MGAM: variants seen among roughly 807,000 people sequenced by gnomAD.
MGAM encodes the protein maltase-glucoamylase, also known as alpha-1,4-glucosidase.
MGAM carries 253 observed loss-of-function variants against 358.8 expected under a neutral mutation model. The ratio of observed to expected loss-of-function variants is 0.71; its 90% CI spans 0.64 to 0.78. The LOEUF is 0.78. Ranked by LOEUF, MGAM falls within the 30% of genes least tolerant of loss-of-function variation. The probability of loss-of-function intolerance (pLI) is 0.00; values close to 1 mark genes in which losing one functional copy is unlikely to be tolerated. For synonymous variants in MGAM, 1,105 were observed against 1,227.1 expected, an observed-to-expected ratio of 0.90 and a Z score of 2.08; for missense variants, 3,080 against 3,432.6, an observed-to-expected ratio of 0.90 and a Z score of 2.57.
chr7:142,081,061 T>C, intron 50 of MGAM, 116 bp downstream of exon 50: 1 of 956,896 alleles, frequency 1.0e-6, no homozygotes, highest in Non-Finnish European at 1.5e-6. Context: ...TCCAGATCCA[T>C]GGATGAGTTG....
Position 142,056,959 on chromosome 7 carries a change from T to A in MGAM, c.3693+17T>A, listed in dbSNP as rs948376048. 6 of 1,611,930 alleles carry A rather than the reference T, an allele frequency of 3.7e-6. No individual in the cohort carries two copies. The highest frequency in any genetic ancestry group is 5.1e-6 in the Non-Finnish European group (6 of 1,178,500). On this transcript the variant is annotated intron_variant, in intron 30 of 70. Coordinates refer to ENST00000475668, the MANE Select transcript of MGAM (RefSeq NM_001365693.1). ...TACACTGAGGTAGGGGGAAATCCAA[T>A]TGTTTATCAAGTACTTACACAGCAC...
At chr7:142,067,935 AATATATATAT>A (rs547783903) in intron 42 of MGAM, among the ~76,000 whole-genome samples, 3 of 29,196 alleles carry the variant, frequency 1.0e-4, no homozygotes, top group African/African-American at 2.4e-4. Context: ...ACCTCCCTCA[AATATATATAT>A]ATATATATAT....
chr7:141,993,275 G>A (rs1584880075), upstream of MGAM, among the ~76,000 whole-genome samples: 1 of 152,178 alleles, frequency 6.6e-6, no homozygotes, highest in Admixed American at 6.5e-5. Context: ...TTTAAACTAT[G>A]TGTGGTAAAA....
Position 142,102,635 on chromosome 7 carries a change from T to C in MGAM, c.7969T>C (p.Tyr2657His), listed in dbSNP as rs1390119294. 1 of 1,613,366 alleles carries C rather than the reference T, an allele frequency of 6.2e-7. No homozygotes were observed. Among genetic ancestry groups the C allele is most frequent in the African/African-American group, 1.3e-5 (1 of 75,058 alleles). Residue 2657 changes from tyrosine to histidine, a missense_variant, in exon 69 of 71, where the codon TAT becomes CAT. Physicochemically the swap from Tyr to His is moderately conservative, Grantham distance 83 (BLOSUM62 2). Transcript: ENST00000475668. ...ATCTTGTTTTTTGTTTGCAGATACC[T>C]ATGGGAAAGGACTCTATTACTTGGC... ...FWDDGQSIDT[Y>H]GKGLYYLASF...
Position 142,027,722 on chromosome 7 carries a change from C to G in MGAM, c.1208C>G (p.Ala403Gly). Reference sequence around the variant, plus strand: ...GAAGTCGTGGAGAGAAATCGCGCAGCACAGCTCCCTTATGTAAGCAAGGTT... The same window carrying G: ...GAAGTCGTGGAGAGAAATCGCGCAGGACAGCTCCCTTATGTAAGCAAGGTT... Reference protein sequence around the residue: ...MREVVERNRAAQLPYDVQHAD... With the variant: ...MREVVERNRAGQLPYDVQHAD... The change falls in exon 10 of 71, where the codon GCA becomes GGA. Residue 403 changes from alanine (A) to glycine (G), a missense_variant. Physicochemically the swap from Ala to Gly is moderately conservative, Grantham distance 60. Coordinates refer to ENST00000475668, the MANE Select transcript of MGAM (RefSeq NM_001365693.1). 1 of 1,610,140 alleles carries G rather than the reference C, an allele frequency of 6.2e-7. No individual in the cohort carries two copies. The highest frequency in any genetic ancestry group is 1.3e-5 in the African/African-American group (1 of 74,994).
chr7:142,052,229 A>T (rs930816093), intron 24 of MGAM, 65 bp from the exon 25 acceptor site: 3 of 1,373,170 alleles, frequency 2.2e-6, no homozygotes, highest in Non-Finnish European at 2.9e-6. Flanking sequence ...CGAAAAAAAA[A>T]CCTCAGGTCT....
intron 43 of MGAM, 145 bp from the exon 44 acceptor site, chr7:142,070,849 T>C (rs1585055428): frequency 1.8e-6 from 2 of 1,141,432 alleles, no homozygotes; most frequent in Admixed American, 2.2e-5. Context: ...ACTGTGCGAA[T>C]GCAGAATGGG....
At chr7:142,017,485 A>T (rs1806058802) in intron 3 of MGAM, among the ~76,000 whole-genome samples, 1 of 152,214 alleles carries the variant, frequency 6.6e-6, no homozygotes, top group African/African-American at 2.4e-5. Flanking sequence ...GAGTTGGCCA[A>T]CAAAGACTGT....
intron 25 of MGAM, 71 bp from the exon 26 acceptor site, chr7:142,052,713 A>C: frequency 6.4e-7 from 1 of 1,564,196 alleles, no homozygotes; most frequent in Non-Finnish European, 8.8e-7. Flanking sequence ...TGACTTTACT[A>C]ACCCTGTTTA....
chr7:142,104,430 G>T (rs949093574), intron 70 of MGAM, among the ~76,000 whole-genome samples: 12 of 152,062 alleles, frequency 7.9e-5, no homozygotes, highest in Admixed American at 4.6e-4. Flanking sequence ...TTATTTAGAA[G>T]AAAAATATGT....
At position 142,022,453 on chromosome 7, in the gene MGAM, T is replaced by C. The variant is rs782724481; in HGVS notation, c.882+14T>C. 2.5e-6 allele frequency: 4 copies of C among 1,609,848 alleles called. No individual in the cohort carries two copies. The highest frequency in any genetic ancestry group is 4.5e-5 in the East Asian group (2 of 44,824). On this transcript the variant is annotated intron_variant, in intron 7 of 70. Transcript: ENST00000475668. ...ACTCCCAATGGAGTAAGCTTTCAAA[T>C]GGGCCCCTTTCCACTGAATATCATA...
At chr7:141,991,472 T>C (rs10278709), upstream of MGAM, among the ~76,000 whole-genome samples, 56,599 of 150,884 alleles carry the variant, frequency 0.38, 14,607 homozygotes, top group African/African-American at 0.74. Flanking sequence ...CTCACTCTGT[T>C]GCCCAGGCTG....
intron 30 of MGAM, 65 bp downstream of exon 30, chr7:142,057,007 T>C: frequency 1.0e-5 from 15 of 1,452,860 alleles, no homozygotes; most frequent in South Asian, 2.4e-5. Flanking sequence ...AGAGTCCACA[T>C]TGATTAGTAT....
intron 65 of MGAM, among the ~76,000 whole-genome samples, chr7:142,097,261 AT>A (rs1467913553): frequency 1.3e-5 from 2 of 152,150 alleles, no homozygotes; most frequent in Non-Finnish European, 2.9e-5. Context: ...TACCCACAGA[AT>A]TTTTTTCTGC....
intron 44 of MGAM, among the ~76,000 whole-genome samples, chr7:142,072,792 T>G (rs1813448497): frequency 6.8e-6 from 1 of 146,376 alleles, no homozygotes. Context: ...GGATCCCGGC[T>G]TCATGTGGGA....
In MGAM at chr7:142,034,671, G is replaced by C; in HGVS notation, c.1789G>C (p.Ala597Pro). The C allele has an allele frequency of 6.2e-7, 1 of 1,612,852 alleles. No homozygotes were observed. Among genetic ancestry groups the C allele is most frequent in the Non-Finnish European group, 8.5e-7 (1 of 1,179,282 alleles). Reference sequence around the variant, plus strand: ...TCCTTAAATCTCTCTCCCTTGCAGAGCTGCCAAGACTGTGTTCCCTAATAA... The same window carrying C: ...TCCTTAAATCTCTCTCCCTTGCAGACCTGCCAAGACTGTGTTCCCTAATAA... ...GYSMAVATAE[A>P]AKTVFPNKRS... The change falls in exon 16 of 71, where the codon GCT (alanine) becomes CCT (proline). Residue 597 changes from alanine (A) to proline (P), a missense_variant and splice_region_variant. Transcript: ENST00000475668.
At chr7:142,026,910 T>C (rs1291101545) in intron 8 of MGAM, among the ~76,000 whole-genome samples, 1 of 152,168 alleles carries the variant, frequency 6.6e-6, no homozygotes, top group Admixed American at 6.5e-5. Context: ...TATTAAAATC[T>C]GTCACAGAAA....
chr7:142,065,135 T>C (rs1425959557), intron 37 of MGAM, among the ~76,000 whole-genome samples, 200 bp from the exon 38 acceptor site: 5 of 152,250 alleles, frequency 3.3e-5, no homozygotes, highest in Admixed American at 2.6e-4. Context: ...GTGAAGTTCT[T>C]TGTAAAGCAC....
At chr7:142,005,390 A>AT in intron 1 of MGAM, 139 bp from the exon 2 acceptor site, 1 of 602,930 alleles carries the variant, frequency 1.7e-6, no homozygotes, top group Non-Finnish European at 2.7e-6. Flanking sequence ...TGAGCTGATA[A>AT]TTTTTTAATT....
Sources: gnomAD v4.1 joint callset for allele counts (sites outside exome capture counted in the v4.1 genomes callset) on GRCh38, gnomAD v4.1.1 for gene constraint, MANE v1.5 for transcripts, NCBI Gene and HGNC (gene_info 2026-07-23, HGNC 2026-07-21) for gene names.